The following SPATA13 variants were observed in gnomAD, a reference collection of about 807,000 sequenced individuals.
The protein encoded by SPATA13 is spermatogenesis associated 13.
Under a neutral mutation model 104.0 loss-of-function variants are expected in SPATA13, and 50 were observed. That is an observed-to-expected ratio of 0.48 (90% CI 0.38 to 0.61). SPATA13 has a LOEUF of 0.61. Among genes scored for constraint, SPATA13 ranks in the 20% least tolerant of loss-of-function variants. The probability of loss-of-function intolerance (pLI) is 0.00; values close to 1 mark genes in which losing one functional copy is unlikely to be tolerated. For missense variants in SPATA13, 1,524 were observed against 1,690.6 expected, an observed-to-expected ratio of 0.90 and a Z score of 1.73; for synonymous variants, 606 against 667.5, an observed-to-expected ratio of 0.91 and a Z score of 1.42.
At position 23,987,925 on chromosome 13, in the gene SPATA13, A is replaced by G. The variant is rs1438809988; in HGVS notation, c.-147+3992A>G. Among the ~76,000 whole-genome samples the G allele has an allele frequency of 2.6e-5, 4 of 151,218 alleles. No individual in the cohort carries two copies. The East Asian group carries it at 5.8e-4, about 22-fold the overall frequency. Reference sequence around the variant, plus strand: ...TCTTAAGGCCCAGGTATGTTGTGGCATATGTCAGAATTTTGTTTCTCTTTT... The same window carrying G: ...TCTTAAGGCCCAGGTATGTTGTGGCGTATGTCAGAATTTTGTTTCTCTTTT... On this transcript the variant is annotated intron_variant, in intron 2 of 14. Coordinates refer to the SPATA13 transcript ENST00000424834.
intron 2 of SPATA13, among the ~76,000 whole-genome samples, chr13:24,231,012 T>C (rs1872237762): frequency 6.6e-6 from 1 of 152,176 alleles, no homozygotes; most frequent in African/African-American, 2.4e-5. Context: ...TTGGGAAATG[T>C]AGTGTGTGCA....
chr13:24,244,578 G>A (rs1172345523), intron 2 of SPATA13, among the ~76,000 whole-genome samples: 1 of 152,206 alleles, frequency 6.6e-6, no homozygotes. Flanking sequence ...TATGCGGAGT[G>A]GCCAGGCACT....
intron 3 of SPATA13, among the ~76,000 whole-genome samples, chr13:24,036,271 C>G (rs1044737873): frequency 1.2e-4 from 18 of 152,194 alleles, no homozygotes; most frequent in Admixed American, 2.6e-4. Context: ...GCAAATCTCC[C>G]TGGCGTCAGG....
intron 3 of SPATA13, among the ~76,000 whole-genome samples, chr13:24,054,966 A>G (rs988443306): frequency 1.1e-4 from 16 of 152,356 alleles, no homozygotes; most frequent in Non-Finnish European, 2.1e-4. Context: ...GCTGGTTATT[A>G]TGACTATTAT....
chr13:24,229,862 T>C (rs1238513951), intron 2 of SPATA13, among the ~76,000 whole-genome samples: 1 of 152,234 alleles, frequency 6.6e-6, no homozygotes, highest in Non-Finnish European at 1.5e-5. Context: ...GTTGTACCTG[T>C]GCCCAGATAC....
At chr13:24,153,378 C>A (rs536929033) in intron 3 of SPATA13, among the ~76,000 whole-genome samples, 1 of 152,226 alleles carries the variant, frequency 6.6e-6, no homozygotes, top group South Asian at 2.1e-4. Flanking sequence ...ACACTCTTCT[C>A]ACACTCCATT....
intron 3 of SPATA13, chr13:24,123,178 G>A: frequency 7.9e-7 from 1 of 1,269,076 alleles, no homozygotes; most frequent in South Asian, 1.2e-5. Flanking sequence ...TGCATTACAG[G>A]TCTGATGAAT....
At chr13:24,027,976 G>C (rs757007488) in intron 3 of SPATA13, among the ~76,000 whole-genome samples, 5 of 152,034 alleles carry the variant, frequency 3.3e-5, no homozygotes, top group Non-Finnish European at 5.9e-5. Flanking sequence ...AATTGTTTTT[G>C]TTATAATTCT....
chr13:24,247,548 C>G (rs1282536708), intron 2 of SPATA13, among the ~76,000 whole-genome samples: 1 of 128,004 alleles, frequency 7.8e-6, no homozygotes, highest in African/African-American at 2.9e-5. Context: ...GGTGCAATTT[C>G]AGCCCACTGC....
chr13:24,292,637 G>A (rs937055418), intron 9 of SPATA13, among the ~76,000 whole-genome samples: 1 of 152,162 alleles, frequency 6.6e-6, no homozygotes, highest in Admixed American at 6.5e-5. Flanking sequence ...TTCCTGCAGG[G>A]AGTGGAGAGT....
In SPATA13 at chr13:24,023,329, C is replaced by T. The variant is rs141058998; in HGVS notation, c.-112+5628C>T. On this transcript the variant is annotated intron_variant, in intron 3 of 14. Transcript: ENST00000424834. The stretch of plus-strand genomic sequence containing the variant: ...AATACACATGAATCTTCTGTGAAAG[C>T]TGTAGACATTAAGGCATAGCTCAGT... Among the ~76,000 whole-genome samples the T allele has an allele frequency of 3.4e-3, 522 of 152,248 alleles. 6 individuals carry two copies. Among genetic ancestry groups the T allele is most frequent in the African/African-American group, 0.012 (502 of 41,544 alleles).
chr13:24,106,360 C>G (rs1008111929), intron 3 of SPATA13, among the ~76,000 whole-genome samples: 5 of 152,138 alleles, frequency 3.3e-5, no homozygotes, highest in African/African-American at 1.2e-4. Context: ...AGAAATCTTC[C>G]CCATCTTTTA....
At chr13:24,277,152 A>G (rs1875048523) in intron 4 of SPATA13, among the ~76,000 whole-genome samples, 1 of 152,218 alleles carries the variant, frequency 6.6e-6, no homozygotes, top group South Asian at 2.1e-4. Flanking sequence ...TGTTTTAAGA[A>G]GTTCACCTTG....
At chr13:24,074,004 T>A (rs1026629016) in intron 3 of SPATA13, among the ~76,000 whole-genome samples, 1 of 152,248 alleles carries the variant, frequency 6.6e-6, no homozygotes, top group Admixed American at 6.5e-5. Flanking sequence ...ACATTGTAAT[T>A]TACACTTAGC....
At chr13:24,137,830 G>T (rs1881623366) in intron 3 of SPATA13, among the ~76,000 whole-genome samples, 1 of 152,194 alleles carries the variant, frequency 6.6e-6, no homozygotes, top group Non-Finnish European at 1.5e-5. Flanking sequence ...ACTATTTTAT[G>T]TGCGTCATCA....
At chr13:24,209,086 T>C (rs574167284) in intron 1 of SPATA13, among the ~76,000 whole-genome samples, 4 of 152,146 alleles carry the variant, frequency 2.6e-5, no homozygotes, top group Non-Finnish European at 5.9e-5. Flanking sequence ...TCAGCACTGA[T>C]GCAGGGGTCA....
chr13:24,004,693 G>A (rs12429956), intron 2 of SPATA13, among the ~76,000 whole-genome samples: 24,440 of 152,112 alleles, frequency 0.16, 2,619 homozygotes, highest in East Asian at 0.52. Flanking sequence ...CATACACACA[G>A]GGCTGAAAAT....
chr13:24,179,077 G>A (rs2138520077), intron 1 of SPATA13, among the ~76,000 whole-genome samples: 1 of 152,276 alleles, frequency 6.6e-6, no homozygotes, highest in East Asian at 1.9e-4. Flanking sequence ...ATGTTTCAAG[G>A]TTGATCCCTG....
chr13:24,139,794 G>A (rs997754499), intron 3 of SPATA13, among the ~76,000 whole-genome samples: 7 of 152,160 alleles, frequency 4.6e-5, no homozygotes, highest in Non-Finnish European at 8.8e-5. Flanking sequence ...CAGGCCGGGC[G>A]CGGTGGCTCA....
Sources: allele counts gnomAD v4.1 joint callset (sites outside exome capture counted in the v4.1 genomes callset), GRCh38; gene constraint gnomAD v4.1.1; transcripts MANE v1.5; gene names NCBI Gene and HGNC (gene_info 2026-07-23, HGNC 2026-07-21).